The following CFAP91 variants were observed in gnomAD, a reference collection of about 807,000 sequenced individuals.
CFAP91 encodes cilia and flagella associated protein 91, also known as cilia- and flagella-associated protein 91.
Under a neutral mutation model 95.9 loss-of-function variants are expected in CFAP91, and 85 were observed. The observed-to-expected ratio is 0.89, with a 90% CI of 0.74 to 1.06. The LOEUF (loss-of-function observed/expected upper bound fraction) is 1.06. Ranked by LOEUF, CFAP91 falls within the 50% of genes least tolerant of loss-of-function variation. The pLI, the probability that CFAP91 is intolerant of heterozygous loss-of-function variation, is 0.00. For missense variants in CFAP91, 962 were observed against 943.4 expected, an observed-to-expected ratio of 1.02 and a Z score of -0.26; for synonymous variants, 335 against 327.5, an observed-to-expected ratio of 1.02 and a Z score of -0.25.
At position 119,766,334 on chromosome 3, in the gene CFAP91, A is replaced by C. The variant is rs2054627185; in HGVS notation, c.*1284A>C. ...AATTTTCTGAGTTTTTTTTTAAAAA[A>C]ACTAATTATACAAACTTGAAAGGGT... On this transcript the variant is annotated 3_prime_UTR_variant, in exon 18 of 18. Coordinates refer to ENST00000273390, the MANE Select transcript of CFAP91 (RefSeq NM_033364.4). The C allele has an allele frequency of 6.6e-6, 1 of 152,176 alleles. No individual in the cohort carries two copies. Among genetic ancestry groups the C allele is most frequent in the Non-Finnish European group, 1.5e-5 (1 of 68,032 alleles). The allele number at this position is 152,176 out of a possible 1,614,324, so 9.4% of individuals were successfully genotyped here. A position where few individuals can be genotyped will look rare whatever the true frequency, so the allele number is the denominator to read the frequency against.
intron 17 of CFAP91, among the ~76,000 whole-genome samples, chr3:119,759,823 A>C (rs192420326): frequency 6.6e-6 from 1 of 151,992 alleles, no homozygotes; most frequent in East Asian, 1.9e-4. Flanking sequence ...TATTGTAACT[A>C]TAAGGTGTTT....
intron 17 of CFAP91, 79 bp downstream of exon 17, chr3:119,751,177 ACAAT>A: frequency 1.4e-6 from 2 of 1,424,680 alleles, no homozygotes; most frequent in Non-Finnish European, 1.9e-6. Context: ...CTGTGCTCAA[ACAAT>A]CATAATGTGA....
intron 8 of CFAP91, among the ~76,000 whole-genome samples, chr3:119,731,658 G>A (rs554274444): frequency 5.9e-5 from 9 of 152,212 alleles, no homozygotes; most frequent in Non-Finnish European, 1.3e-4. Context: ...TCACGATCTT[G>A]TATAAGATTT....
chr3:119,753,522 A>G (rs959677842), intron 17 of CFAP91, among the ~76,000 whole-genome samples: 1 of 152,214 alleles, frequency 6.6e-6, no homozygotes, highest in African/African-American at 2.4e-5. Flanking sequence ...ATTATTCTAG[A>G]CCTCTATTTT....
rs563793738 is a variant in CFAP91 at position 119,753,827 on chromosome 3, C to A, written c.*1+2729C>A. 4.9e-4 allele frequency among the ~76,000 whole-genome samples: 75 copies of A among 152,294 alleles called. 1 individual carries two copies. The highest frequency in any genetic ancestry group is 1.6e-3 in the African/African-American group (68 of 41,552). ...CTCATCCCCTTCCCACTCTTCCCCC[C>A]AAGTCCGCACAGTCCATTGTATCAT... On this transcript the variant is annotated intron_variant, in intron 17 of 17. Coordinates refer to ENST00000273390, the MANE Select transcript of CFAP91 (RefSeq NM_033364.4).
chr3:119,759,138 A>G (rs2054487956), intron 17 of CFAP91, among the ~76,000 whole-genome samples: 1 of 152,074 alleles, frequency 6.6e-6, no homozygotes, highest in Admixed American at 6.5e-5. Flanking sequence ...ACAATAAAGT[A>G]GAACTAAATA....
intron 17 of CFAP91, among the ~76,000 whole-genome samples, chr3:119,762,142 G>A (rs530110539): frequency 1.3e-5 from 2 of 151,624 alleles, no homozygotes; most frequent in African/African-American, 2.4e-5. Flanking sequence ...ATTAATTTAC[G>A]GGTACAAAAT....
rs1223001514 is a variant in CFAP91, at chr3:119,747,110, TGCAGGTGG to T, written c.1903-4_1906del. ...TTTTAGTGAGGGTATTATTGTTTTT[TGCAGGTGG>T]TTAAAGTTCACCATAGTACTATAAG... On this transcript the variant is annotated splice_acceptor_variant and splice_polypyrimidine_tract_variant and coding_sequence_variant and intron_variant, in exon 15 of 18. Coordinates refer to ENST00000273390, the MANE Select transcript of CFAP91 (RefSeq NM_033364.4). LOFTEE classifies it high-confidence loss of function. 6.4e-7 allele frequency: 1 copy of T among 1,555,494 alleles called. No individual in the cohort carries two copies. Among genetic ancestry groups the T allele is most frequent in the Non-Finnish European group, 8.7e-7 (1 of 1,151,460 alleles).
chr3:119,741,924 A>C (rs943564592), intron 13 of CFAP91, among the ~76,000 whole-genome samples: 3 of 152,188 alleles, frequency 2.0e-5, no homozygotes, highest in Non-Finnish European at 4.4e-5. Context: ...TGTGAGATCC[A>C]ACAGAGGAAC....
chr3:119,761,901 T>C (rs2054544609), intron 17 of CFAP91, among the ~76,000 whole-genome samples: 1 of 151,912 alleles, frequency 6.6e-6, no homozygotes, highest in Non-Finnish European at 1.5e-5. Flanking sequence ...CAGTAAAAAG[T>C]TGAAGCCTTT....
At chr3:119,704,824 T>C (rs1476103360) in intron 1 of CFAP91, among the ~76,000 whole-genome samples, 2 of 152,226 alleles carry the variant, frequency 1.3e-5, no homozygotes, top group Admixed American at 6.5e-5. Flanking sequence ...TGTCATAACA[T>C]TGTAGCCCAA....
At chr3:119,721,503 CTCCTT>C (rs1246745287) in intron 6 of CFAP91, among the ~76,000 whole-genome samples, 1 of 152,226 alleles carries the variant, frequency 6.6e-6, no homozygotes, top group Non-Finnish European at 1.5e-5. Flanking sequence ...GCTATGATCT[CTCCTT>C]TCAGGAACAT....
At chr3:119,745,784 G>T (rs750863929) in intron 14 of CFAP91, among the ~76,000 whole-genome samples, 1 of 152,172 alleles carries the variant, frequency 6.6e-6, no homozygotes, top group Non-Finnish European at 1.5e-5. Context: ...TTAGTTGTTT[G>T]GTTGATACTG....
chr3:119,707,495 C>T lies in CFAP91; in HGVS notation c.293C>T (p.Pro98Leu), dbSNP rs752670764. 1 of 1,599,046 alleles carries T rather than the reference C, an allele frequency of 6.3e-7. No individual in the cohort carries two copies. The highest frequency in any genetic ancestry group is 1.7e-5 in the Admixed American group (1 of 59,830). The change falls in exon 3 of 18, where the codon CCA (proline) becomes CTA (leucine). Residue 98 changes from proline (P) to leucine (L), a missense_variant. Transcript: ENST00000273390. ...LYWSKSDPVP[P>L]FISREWKGHK... The stretch of plus-strand genomic sequence containing the variant: ...TGGAGCAAGTCAGATCCTGTCCCAC[C>T]ATTTATCAGTCGGGAATGGAAGGGA...
chr3:119,730,976 C>T (rs1454769223), intron 8 of CFAP91, among the ~76,000 whole-genome samples: 1 of 152,150 alleles, frequency 6.6e-6, no homozygotes, highest in South Asian at 2.1e-4. Flanking sequence ...GTAGCTCACA[C>T]CTGTAATCCC....
In CFAP91 at chr3:119,709,850, C is replaced by T. The variant is rs549825751; in HGVS notation, c.455C>T (p.Pro152Leu). 2.9e-5 allele frequency: 47 copies of T among 1,612,412 alleles called. 1 individual carries two copies. In the South Asian group the frequency reaches 4.7e-4, roughly 16 times the overall value. ...CTTTTTCCTCCCAGGCCTTTTCTCC[C>T]ATTTTTTCAGCAGATGCCATTCAAT... ...RYKYFERPFL[P>L]FFQQMPFNVV... The change falls in exon 5 of 18, where the codon CCA (proline) becomes CTA (leucine). Residue 152 changes from proline (P) to leucine (L), a missense_variant. By Grantham distance (98) the Pro-to-Leu change is moderately conservative. Coordinates refer to ENST00000273390, the MANE Select transcript of CFAP91 (RefSeq NM_033364.4).
rs146409614 is a variant in CFAP91 at position 119,708,370 on chromosome 3, T to G, written c.360-221T>G. On this transcript the variant is annotated intron_variant, in intron 3 of 17. Coordinates refer to ENST00000273390, the MANE Select transcript of CFAP91 (RefSeq NM_033364.4). ...GTGGGATTTCATAAATCCACTCTTT[T>G]CTCAGCTCTTGCTCTGTCTGACTAG... 7.4e-3 allele frequency among the ~76,000 whole-genome samples: 1,132 copies of G among 152,304 alleles called. 13 individuals carry two copies. Among genetic ancestry groups the G allele is most frequent in the Middle Eastern group, 0.02 (6 of 294 alleles).
intron 14 of CFAP91, among the ~76,000 whole-genome samples, chr3:119,745,594 A>G (rs949751200): frequency 6.6e-6 from 1 of 152,230 alleles, no homozygotes; most frequent in Non-Finnish European, 1.5e-5. Context: ...ACCATAGTAA[A>G]CTTTCCACCT....
chr3:119,715,643 T>C lies in CFAP91; in HGVS notation c.582T>C (p.Asp194=). ...PSKSTVGTQT[D]YRDADVQTDP... is the part of the protein sequence containing the mutation. ...AGTCTACTGTGGGCACTCAGACTGA[T>C]TATCGGGATGCTGACGTTCAAACAG... is the stretch of plus-strand genomic sequence containing the variant. The change falls in exon 6 of 18, where the codon GAT becomes GAC. Residue 194 remains aspartate (D), a synonymous_variant. Transcript: ENST00000273390. 5 of 1,613,646 alleles carry C rather than the reference T, an allele frequency of 3.1e-6. No individual in the cohort carries two copies. Among genetic ancestry groups the C allele is most frequent in the Non-Finnish European group, 3.4e-6 (4 of 1,179,528 alleles).
Sources: allele counts gnomAD v4.1 joint callset (sites outside exome capture counted in the v4.1 genomes callset), GRCh38; gene constraint gnomAD v4.1.1; transcripts MANE v1.5; gene names NCBI Gene and HGNC (gene_info 2026-07-23, HGNC 2026-07-21).